The following DPP6 variants were observed in gnomAD, a reference collection of about 807,000 sequenced individuals.
The protein encoded by DPP6 is A-type potassium channel modulatory protein DPP6.
A neutral mutation model predicts 122.6 loss-of-function variants in DPP6; 69 were observed. The ratio of observed to expected loss-of-function variants is 0.56; its 90% CI spans 0.46 to 0.69. The LOEUF (loss-of-function observed/expected upper bound fraction) is 0.69, where lower values mean the gene tolerates loss of function less well. DPP6 is among the 30% of genes least tolerant of loss of function. The pLI is 0.00. For synonymous variants in DPP6, 418 were observed against 433.1 expected (o/e 0.97, Z 0.43); for missense variants, 928 against 1,116.9 (o/e 0.83, Z 2.41).
At chr7:154,208,801 G>T (rs1418003544) in intron 1 of DPP6, among the ~76,000 whole-genome samples, 1 of 151,778 alleles carries the variant, frequency 6.6e-6, no homozygotes, top group East Asian at 1.9e-4. Context: ...CCTCAGTCTG[G>T]ATCTCTGTCT....
intron 1 of DPP6, among the ~76,000 whole-genome samples, chr7:154,392,212 G>T (rs957084646): frequency 6.6e-6 from 1 of 152,186 alleles, no homozygotes; most frequent in African/African-American, 2.4e-5. Context: ...GGCGGAGGTT[G>T]CAGTGAGCTG....
At chr7:154,687,245 G>C (rs994727744) in intron 7 of DPP6, among the ~76,000 whole-genome samples, 3 of 152,186 alleles carry the variant, frequency 2.0e-5, no homozygotes, top group Non-Finnish European at 4.4e-5. Flanking sequence ...AGCATTAGCT[G>C]TAATTGAGTC....
intron 1 of DPP6, among the ~76,000 whole-genome samples, chr7:154,023,742 A>G (rs2628938): frequency 1.2e-4 from 18 of 152,230 alleles, no homozygotes; most frequent in African/African-American, 3.4e-4. Flanking sequence ...TTGGCCTCCC[A>G]AAGTGCTGGG....
chr7:154,480,974 G>T (rs1418533044), intron 3 of DPP6, among the ~76,000 whole-genome samples: 5 of 151,896 alleles, frequency 3.3e-5, no homozygotes, highest in African/African-American at 4.8e-5. Flanking sequence ...CAGAACACAC[G>T]TGCCCATCCT....
chr7:154,426,016 G>C (rs1817882727), intron 1 of DPP6, among the ~76,000 whole-genome samples: 1 of 152,104 alleles, frequency 6.6e-6, no homozygotes. Context: ...CAAAAGATGA[G>C]ATTTTACTAC....
intron 1 of DPP6, among the ~76,000 whole-genome samples, chr7:153,986,864 G>A (rs1227548739): frequency 2.6e-5 from 4 of 151,398 alleles, no homozygotes; most frequent in East Asian, 3.9e-4. Flanking sequence ...TGTAGAGCAC[G>A]TTGCACTGAG....
chr7:154,391,111 T>C (rs1814576486), intron 1 of DPP6, among the ~76,000 whole-genome samples: 2 of 152,196 alleles, frequency 1.3e-5, no homozygotes, highest in Non-Finnish European at 1.5e-5. Flanking sequence ...TCTGGAAATA[T>C]CACAGATTAC....
intron 3 of DPP6, among the ~76,000 whole-genome samples, chr7:154,476,997 T>G (rs531221915): frequency 1.2e-4 from 18 of 152,080 alleles, no homozygotes; most frequent in South Asian, 8.3e-4. Flanking sequence ...GAGGATGGCT[T>G]CAGCCTGGGA....
At chr7:153,989,615 T>G (rs1797051651) in intron 1 of DPP6, among the ~76,000 whole-genome samples, 1 of 151,814 alleles carries the variant, frequency 6.6e-6, no homozygotes. Flanking sequence ...AGGGGGGTGC[T>G]CACAGCTGGG....
intron 1 of DPP6, chr7:154,058,522 C>A (rs556015345): frequency 6.9e-6 from 1 of 145,736 alleles, no homozygotes; most frequent in African/African-American, 2.6e-5. Flanking sequence ...AGAGCCAACC[C>A]CTGGTTCCCC....
chr7:154,334,066 A>G (rs1291360970), intron 1 of DPP6, among the ~76,000 whole-genome samples: 6 of 152,224 alleles, frequency 3.9e-5, no homozygotes, highest in Admixed American at 1.3e-4. Context: ...GTGCTAGTTT[A>G]AATTATTCCG....
intron 21 of DPP6, chr7:154,884,777 A>T (rs1392130274): frequency 6.6e-6 from 1 of 152,170 alleles, no homozygotes; most frequent in African/African-American, 2.4e-5. Context: ...AGGCATACAC[A>T]CATGCTCACA....
At chr7:153,999,658 G>C (rs1280300604) in intron 1 of DPP6, among the ~76,000 whole-genome samples, 1 of 152,192 alleles carries the variant, frequency 6.6e-6, no homozygotes, top group Non-Finnish European at 1.5e-5. Context: ...GGAGAACTAA[G>C]ATACATTAAA....
chr7:154,140,028 A>T (rs987475028), intron 1 of DPP6, among the ~76,000 whole-genome samples: 1 of 152,180 alleles, frequency 6.6e-6, no homozygotes, highest in African/African-American at 2.4e-5. Flanking sequence ...GAAGATATCC[A>T]TCAGATCCTC....
rs1015461100 is a variant in DPP6, at chr7:154,330,598, A to G, written c.244-115616A>G. Among the ~76,000 whole-genome samples the G allele has an allele frequency of 2.0e-5, 3 of 152,214 alleles. No homozygotes were observed. In the East Asian group the frequency reaches 5.8e-4, roughly 29 times the overall value. On this transcript the variant is annotated intron_variant, in intron 1 of 25. Coordinates refer to ENST00000377770, the MANE Select transcript of DPP6 (RefSeq NM_130797.4). Reference sequence around the variant, plus strand: ...ACCGCTCCAGACATCTGAGATGAACATGAAGAGAAAGGAATTTTCAACAAT... The same window carrying G: ...ACCGCTCCAGACATCTGAGATGAACGTGAAGAGAAAGGAATTTTCAACAAT...
chr7:154,242,143 C>A (rs1387294386), intron 1 of DPP6, among the ~76,000 whole-genome samples: 1 of 152,196 alleles, frequency 6.6e-6, no homozygotes, highest in East Asian at 1.9e-4. Context: ...GTCATTTGTG[C>A]ATACCCCCGA....
chr7:154,280,567 G>T (rs77596091), intron 1 of DPP6, among the ~76,000 whole-genome samples: 5,830 of 151,518 alleles, frequency 0.038, 202 homozygotes, highest in East Asian at 0.15. Context: ...TTTAATAAAT[G>T]ATGGTCACAA....
At chr7:154,086,679 C>T (rs1227739111) in intron 1 of DPP6, among the ~76,000 whole-genome samples, 1 of 148,758 alleles carries the variant, frequency 6.7e-6, no homozygotes, top group African/African-American at 2.5e-5. Context: ...AGTGCAGTGG[C>T]ACAATCTCGG....
rs950392212 is a variant in DPP6, at chr7:154,279,558, A to G, written c.244-166656A>G. Among the ~76,000 whole-genome samples, 6 of 152,210 alleles carry G rather than the reference A, an allele frequency of 3.9e-5. No individual in the cohort carries two copies. In the South Asian group the frequency reaches 6.2e-4, roughly 16 times the overall value. On this transcript the variant is annotated intron_variant, in intron 1 of 25. Coordinates refer to ENST00000377770, the MANE Select transcript of DPP6 (RefSeq NM_130797.4). ...GCACGCCATGCCTGTGGGCCTTTCA[A>G]AAGTCCTCATGTGAACGTGAGCCTT...
Sources: allele counts gnomAD v4.1 joint callset (sites outside exome capture counted in the v4.1 genomes callset), GRCh38; gene constraint gnomAD v4.1.1; transcripts MANE v1.5; gene names NCBI Gene and HGNC (gene_info 2026-07-23, HGNC 2026-07-21).